Variants in ZIM2 observed in about 807,000 individuals in gnomAD.
The protein encoded by ZIM2 is zinc finger protein 656.
A neutral mutation model predicts 38.6 loss-of-function variants in ZIM2; 14 were observed. The observed-to-expected ratio is 0.36, with a 90% CI of 0.24 to 0.57. ZIM2 has a LOEUF of 0.57. Ranked by LOEUF, ZIM2 falls within the 20% of genes least tolerant of loss-of-function variation. The probability of loss-of-function intolerance (pLI) is 0.81; values close to 1 mark genes in which losing one functional copy is unlikely to be tolerated. For synonymous variants in ZIM2, 247 were observed against 245.8 expected (o/e 1.00, Z -0.04); for missense variants, 680 against 695.1 (o/e 0.98, Z 0.24).
At chr19:56,822,109 G>T (rs998877180) in intron 6 of ZIM2, among the ~76,000 whole-genome samples, 9 of 152,198 alleles carry the variant, frequency 5.9e-5, no homozygotes, top group African/African-American at 2.2e-4. Flanking sequence ...GATGGCATCA[G>T]AGACCGTCCC....
intron 9 of ZIM2, among the ~76,000 whole-genome samples, chr19:56,801,533 A>G (rs1311087479): frequency 6.6e-6 from 1 of 152,146 alleles, no homozygotes; most frequent in Non-Finnish European, 1.5e-5. Flanking sequence ...GTCTCATTCT[A>G]AAGGACTAAG....
intron 9 of ZIM2, among the ~76,000 whole-genome samples, chr19:56,799,895 G>A (rs2047425294): frequency 6.6e-6 from 1 of 152,178 alleles, no homozygotes; most frequent in Admixed American, 6.5e-5. Context: ...TAAAATGGAT[G>A]AATATAGAAA....
chr19:56,823,384 C>T (rs564240019), intron 5 of ZIM2, among the ~76,000 whole-genome samples: 20 of 152,252 alleles, frequency 1.3e-4, no homozygotes, highest in African/African-American at 3.4e-4. Context: ...TTGAATAAAA[C>T]GGTATTAAGT....
intron 9 of ZIM2, among the ~76,000 whole-genome samples, chr19:56,793,719 G>A (rs1038905230): frequency 6.6e-6 from 1 of 152,042 alleles, no homozygotes; most frequent in African/African-American, 2.4e-5. Flanking sequence ...ACCAAGTGTT[G>A]ACAAGGATAA....
At chr19:56,786,954 A>G (rs1392238731) in intron 10 of ZIM2, among the ~76,000 whole-genome samples, 1 of 152,142 alleles carries the variant, frequency 6.6e-6, no homozygotes, top group Non-Finnish European at 1.5e-5. Context: ...CTCGTGCCTC[A>G]GCCTCCCAAG....
intron 2 of ZIM2, among the ~76,000 whole-genome samples, chr19:56,835,181 C>T (rs983339442): frequency 1.3e-5 from 2 of 152,136 alleles, no homozygotes; most frequent in Non-Finnish European, 2.9e-5. Context: ...GTCCACCCTC[C>T]CCTTCTGCAC....
chr19:56,789,745 G>C, intron 10 of ZIM2, 127 bp downstream of exon 10: 3 of 834,900 alleles, frequency 3.6e-6, no homozygotes, highest in Non-Finnish European at 3.3e-6. Flanking sequence ...AAAAGGCTCA[G>C]TAAAGTGATA....
At chr19:56,777,535 A>G (rs905324779) in intron 12 of ZIM2, among the ~76,000 whole-genome samples, 9 of 152,098 alleles carry the variant, frequency 5.9e-5, no homozygotes, top group Non-Finnish European at 1.3e-4. Flanking sequence ...AGCCAGATGG[A>G]TCTTTCTAGA....
chr19:56,808,194 T>C (rs1019524686), intron 9 of ZIM2, among the ~76,000 whole-genome samples: 2 of 152,080 alleles, frequency 1.3e-5, no homozygotes, highest in African/African-American at 4.8e-5. Flanking sequence ...GTCAGGATAG[T>C]CCACCAAAAC....
intron 9 of ZIM2, chr19:56,799,790 T>A (rs1317765256): frequency 6.6e-6 from 1 of 152,152 alleles, no homozygotes; most frequent in East Asian, 1.9e-4. Context: ...AGCCCAGGTG[T>A]CAATCAATAG....
chr19:56,814,287 C>G lies in ZIM2; in HGVS notation c.490+3459G>C, dbSNP rs756167154. 2 of 1,613,810 alleles carry G rather than the reference C, an allele frequency of 1.2e-6. No individual in the cohort carries two copies. The stretch of plus-strand genomic sequence containing the variant: ...CCTCTACGTTTAAGCCCTGAATCCT[C>G]AGAACTACTTGTGGAACATGGACAT... On this transcript the variant is annotated intron_variant, in intron 9 of 12. Transcript: ENST00000629319. The surrounding 1 kb of genome is among the most constrained non-coding windows in gnomAD (Gnocchi z 5.8).
chr19:56,816,293 C>T, intron 9 of ZIM2: 1 of 1,614,050 alleles, frequency 6.2e-7, no homozygotes. Flanking sequence ...TTCTCATACC[C>T]TCTGCCTTCA....
chr19:56,826,742 A>G (rs530374567), intron 2 of ZIM2, among the ~76,000 whole-genome samples: 1 of 152,384 alleles, frequency 6.6e-6, no homozygotes, highest in East Asian at 1.9e-4. Flanking sequence ...GAAAGCAGAA[A>G]TAAAAGTCTT....
At chr19:56,839,454 T>C (rs1350902052) in intron 1 of ZIM2, among the ~76,000 whole-genome samples, 2 of 125,402 alleles carry the variant, frequency 1.6e-5, no homozygotes, top group African/African-American at 3.1e-5. Flanking sequence ...CATCTAATGC[T>C]ACCCAGTCAC....
At position 56,824,408 on chromosome 19, in the gene ZIM2, T is replaced by C; in HGVS notation, c.-131A>G. ...AAGGACCAAGAGCTCGATGATCTCC[T>C]CCTTGGTGCGGGTCTCCGGCTGCAA... On this transcript the variant is annotated 5_prime_UTR_variant, in exon 4 of 13. Transcript: ENST00000629319. The C allele has an allele frequency of 1.9e-6, 3 of 1,614,152 alleles. No individual in the cohort carries two copies. Among genetic ancestry groups the C allele is most frequent in the Non-Finnish European group, 2.5e-6 (3 of 1,180,042 alleles).
At chr19:56,817,941 G>GC in intron 8 of ZIM2, 103 bp from the exon 9 acceptor site, 2 of 815,978 alleles carry the variant, frequency 2.5e-6, no homozygotes, top group Non-Finnish European at 4.0e-6. Flanking sequence ...ATATGAGGTG[G>GC]CCCACATCTG....
chr19:56,817,833 G>T lies in ZIM2; in HGVS notation c.403C>A (p.Gln135Lys), dbSNP rs1296145645. 3.1e-6 allele frequency: 5 copies of T among 1,613,400 alleles called. No individual in the cohort carries two copies. Among genetic ancestry groups the T allele is most frequent in the Non-Finnish European group, 4.2e-6 (5 of 1,179,644 alleles). The change falls in exon 9 of 13, where the codon CAG becomes AAG. Residue 135 changes from glutamine (Q) to lysine (K), a missense_variant. Gln to Lys is a moderately conservative substitution (Grantham distance 53). Coordinates refer to ENST00000629319, the MANE Select transcript of ZIM2 (RefSeq NM_001387356.1). ...GAGTGGCCATCGTCTTCAGCAAGCT[G>T]CACTCCTGGTCACAAGGACAATATG... ...NYRKLLSLGV[Q>K]LAEDDGHSHM...
At chr19:56,784,854 C>T (rs566664060) in intron 10 of ZIM2, among the ~76,000 whole-genome samples, 1 of 152,078 alleles carries the variant, frequency 6.6e-6, no homozygotes, top group African/African-American at 2.4e-5. Context: ...AGGCAGATAC[C>T]AGAACATTAC....
At chr19:56,813,339 T>C (rs373108798) in intron 9 of ZIM2, 3 of 1,059,000 alleles carry the variant, frequency 2.8e-6, no homozygotes, top group East Asian at 1.2e-4. Flanking sequence ...CATGAAACAC[T>C]ATATATACGT....
Sources: allele counts gnomAD v4.1 joint callset (sites outside exome capture counted in the v4.1 genomes callset), GRCh38; gene constraint gnomAD v4.1.1; non-coding constraint Gnocchi (gnomAD v3.1); transcripts MANE v1.5; gene names NCBI Gene and HGNC (gene_info 2026-07-23, HGNC 2026-07-21).